The following ROBO2 variants were observed in gnomAD, a reference collection of about 807,000 sequenced individuals.
ROBO2 encodes roundabout homolog 2.
A neutral mutation model predicts 160.8 loss-of-function variants in ROBO2; 53 were observed. That is an observed-to-expected ratio of 0.33 (90% CI 0.26 to 0.41). The LOEUF (loss-of-function observed/expected upper bound fraction) is 0.41. Ranked by LOEUF, ROBO2 falls within the 10% of genes least tolerant of loss-of-function variation. The probability of loss-of-function intolerance (pLI) is 1.00; values close to 1 mark genes in which losing one functional copy is unlikely to be tolerated. For missense variants in ROBO2, 1,577 were observed against 1,722.4 expected, an observed-to-expected ratio of 0.92 and a Z score of 1.49; for synonymous variants, 664 against 611.7, an observed-to-expected ratio of 1.09 and a Z score of -1.26.
chr3:77,076,280 T>C (rs1236501798), intron 1 of ROBO2, among the ~76,000 whole-genome samples: 1 of 152,144 alleles, frequency 6.6e-6, no homozygotes, highest in Non-Finnish European at 1.5e-5. Context: ...TGGTTTCTGC[T>C]TTGTTCTATG....
At chr3:76,638,606 G>T (rs970308974) in intron 2 of ROBO2, among the ~76,000 whole-genome samples, 2 of 151,974 alleles carry the variant, frequency 1.3e-5, no homozygotes, top group African/African-American at 4.8e-5. Flanking sequence ...GGGTAAAAGT[G>T]GTTTCAATCT....
At chr3:77,608,495 C>CATGTA (rs2094567486) in intron 21 of ROBO2, among the ~76,000 whole-genome samples, 1 of 152,110 alleles carries the variant, frequency 6.6e-6, no homozygotes, top group Non-Finnish European at 1.5e-5. Flanking sequence ...TGTAATGAAA[C>CATGTA]CTTTTTAAGA....
At chr3:77,305,040 T>C (rs1170048467) in intron 2 of ROBO2, among the ~76,000 whole-genome samples, 1 of 152,198 alleles carries the variant, frequency 6.6e-6, no homozygotes, top group East Asian at 1.9e-4. Flanking sequence ...CTGACCCCTT[T>C]GGGAATATTT....
intron 2 of ROBO2, among the ~76,000 whole-genome samples, chr3:76,913,580 C>G (rs1577435527): frequency 1.3e-5 from 2 of 152,084 alleles, no homozygotes; most frequent in Admixed American, 1.3e-4. Context: ...CGAGTTAAAA[C>G]CTAAGATTTT....
At chr3:76,162,103 T>C (rs886435000) in intron 2 of ROBO2, among the ~76,000 whole-genome samples, 2 of 152,190 alleles carry the variant, frequency 1.3e-5, no homozygotes, top group Non-Finnish European at 2.9e-5. Context: ...ACATAAGTTA[T>C]GCAGAGAGAT....
chr3:76,621,943 A>G (rs2089120698), intron 2 of ROBO2, among the ~76,000 whole-genome samples: 1 of 151,470 alleles, frequency 6.6e-6, no homozygotes, highest in Non-Finnish European at 1.5e-5. Flanking sequence ...TGTGGTTCAT[A>G]TATGCTTTCT....
chr3:76,213,997 TAAC>T (rs544572044), intron 2 of ROBO2, among the ~76,000 whole-genome samples: 49 of 152,174 alleles, frequency 3.2e-4, no homozygotes, highest in Non-Finnish European at 5.6e-4. Context: ...ATCGAAATGT[TAAC>T]GTCTTCCAGA....
At chr3:77,005,196 C>T (rs2061520679) in intron 2 of ROBO2, among the ~76,000 whole-genome samples, 3 of 152,178 alleles carry the variant, frequency 2.0e-5, no homozygotes, top group Admixed American at 6.5e-5. Context: ...CTTTTCCTGA[C>T]TCTATGGCCG....
chr3:77,528,335 T>C (rs1457782756), intron 6 of ROBO2, among the ~76,000 whole-genome samples: 2 of 151,608 alleles, frequency 1.3e-5, no homozygotes, highest in Non-Finnish European at 3.0e-5. Context: ...TTGAGGGCTT[T>C]ATAAATTGTC....
In ROBO2 at chr3:77,114,678, C is replaced by T. The variant is rs559534153; in HGVS notation, c.388+16338C>T. On this transcript the variant is annotated intron_variant, in intron 2 of 25. Transcript: ENST00000461745. ...CACACCTTGTACCAGTACTTCTGGT[C>T]CCTTTAGGTTTAAAGTGTACAAGTA... 2.0e-5 allele frequency among the ~76,000 whole-genome samples: 3 copies of T among 152,202 alleles called. No individual in the cohort carries two copies. In the East Asian group the frequency reaches 5.8e-4, roughly 29 times the overall value.
chr3:77,169,407 A>G (rs1039542634), intron 2 of ROBO2, among the ~76,000 whole-genome samples: 1 of 152,200 alleles, frequency 6.6e-6, no homozygotes, highest in Non-Finnish European at 1.5e-5. Flanking sequence ...CTAAATTAAA[A>G]TAAAAAGAGA....
At chr3:77,137,573 T>G (rs1202815616) in intron 2 of ROBO2, among the ~76,000 whole-genome samples, 1 of 152,236 alleles carries the variant, frequency 6.6e-6, no homozygotes, top group Non-Finnish European at 1.5e-5. Context: ...AATTTGCATT[T>G]AACTTTTTGT....
At chr3:76,230,318 GAA>G (rs368897104) in intron 2 of ROBO2, among the ~76,000 whole-genome samples, 2,751 of 147,886 alleles carry the variant, frequency 0.019, 102 homozygotes, top group East Asian at 0.14. Flanking sequence ...TTTCTCATTT[GAA>G]AAAAAAAATG....
At chr3:77,589,838 AT>A (rs1239081012) in intron 17 of ROBO2, among the ~76,000 whole-genome samples, 2 of 152,018 alleles carry the variant, frequency 1.3e-5, no homozygotes, top group Non-Finnish European at 2.9e-5. Flanking sequence ...ACTTTCTAGA[AT>A]TAATAAGGGA....
chr3:77,208,641 T>C (rs1454888118), intron 2 of ROBO2, among the ~76,000 whole-genome samples: 1 of 152,230 alleles, frequency 6.6e-6, no homozygotes, highest in Non-Finnish European at 1.5e-5. Flanking sequence ...AAATGAGCAA[T>C]CAGTCTCATA....
chr3:76,163,700 C>G (rs2072725752), intron 2 of ROBO2, among the ~76,000 whole-genome samples: 5 of 151,596 alleles, frequency 3.3e-5, no homozygotes, highest in Admixed American at 3.3e-4. Flanking sequence ...CAATATACTA[C>G]AGCCTAAGTG....
intron 2 of ROBO2, among the ~76,000 whole-genome samples, chr3:76,251,195 A>G (rs989084253): frequency 5.9e-5 from 9 of 152,036 alleles, no homozygotes; most frequent in Non-Finnish European, 1.5e-5. Flanking sequence ...CAAATTTGTC[A>G]TCAGGGTGCA....
chr3:76,391,755 C>T (rs971693140), intron 2 of ROBO2, among the ~76,000 whole-genome samples: 11 of 152,114 alleles, frequency 7.2e-5, no homozygotes, highest in Admixed American at 3.9e-4. Flanking sequence ...GTGATCTGCC[C>T]GTCTCGACCT....
chr3:77,585,824 G>A (rs896767927), intron 16 of ROBO2, among the ~76,000 whole-genome samples: 11 of 151,990 alleles, frequency 7.2e-5, no homozygotes, highest in African/African-American at 2.4e-4. Context: ...TTTAGTGATG[G>A]CTAATCTTCT....
Sources: gnomAD v4.1 joint callset for allele counts (sites outside exome capture counted in the v4.1 genomes callset) on GRCh38, gnomAD v4.1.1 for gene constraint, MANE v1.5 for transcripts, NCBI Gene and HGNC (gene_info 2026-07-23, HGNC 2026-07-21) for gene names.